RADIL: variants seen among roughly 807,000 people sequenced by gnomAD.
RADIL encodes ras-associating and dilute domain-containing protein.
In RADIL, 99 loss-of-function variants were observed where a neutral mutation model predicts 97.6. The ratio of observed to expected loss-of-function variants is 1.01; its 90% CI spans 0.86 to 1.20. The LOEUF (loss-of-function observed/expected upper bound fraction) is 1.20, where lower values mean the gene tolerates loss of function less well. RADIL is among the 50% of genes most tolerant of loss of function. RADIL has a pLI of 0.00. For missense variants in RADIL, 1,765 were observed against 1,498.9 expected (o/e 1.18, Z -2.93); for synonymous variants, 803 against 691.8 (o/e 1.16, Z -2.52).
At chr7:4,825,449 G>A (rs1044031888) in intron 5 of RADIL, among the ~76,000 whole-genome samples, 2 of 152,144 alleles carry the variant, frequency 1.3e-5, no homozygotes, top group South Asian at 2.1e-4. Context: ...AGGGAATGGC[G>A]TGCCCCAAAA....
At chr7:4,827,422 G>T (rs1048071443) in intron 5 of RADIL, among the ~76,000 whole-genome samples, 23 of 151,694 alleles carry the variant, frequency 1.5e-4, no homozygotes, top group African/African-American at 5.6e-4. Context: ...CACTTTGGGA[G>T]GCCGAGGTGG....
chr7:4,865,885 A>G lies in RADIL; in HGVS notation c.535+11720T>C, dbSNP rs1392775797. On this transcript the variant is annotated intron_variant, in intron 2 of 14. Coordinates refer to ENST00000399583, the MANE Select transcript of RADIL (RefSeq NM_018059.5). ...TTTAGACACACAAATATTTACCGTT[A>G]TGTTCTAATTACCTTTAGCATTCAG... The G allele has an allele frequency of 4.6e-6, 3 of 647,242 alleles. No individual in the cohort carries two copies. The East Asian group carries it at 8.2e-5, about 18-fold the overall frequency. The allele number at this position is 647,242 out of a possible 1,614,324, so 40.1% of individuals were successfully genotyped here.
At chr7:4,811,547 G>T (rs924593570) in intron 9 of RADIL, among the ~76,000 whole-genome samples, 2 of 140,978 alleles carry the variant, frequency 1.4e-5, no homozygotes, top group Non-Finnish European at 3.0e-5. Context: ...GAGTGCAGTG[G>T]CGCAATCTCG....
rs896091862 is a variant in RADIL at position 4,873,863 on chromosome 7, C to A, written c.535+3742G>T. On this transcript the variant is annotated intron_variant, in intron 2 of 14. Transcript: ENST00000399583. The surrounding 1 kb of genome is among the most constrained non-coding windows in gnomAD (Gnocchi z 4.3). Reference sequence around the variant, plus strand: ...AAGCCTCCCCACCACGATTCTTCCACGTCACTCCAACCTGAGGCAGGCTGG... The same window carrying A: ...AAGCCTCCCCACCACGATTCTTCCAAGTCACTCCAACCTGAGGCAGGCTGG... Among the ~76,000 whole-genome samples, 1 of 152,348 alleles carries A rather than the reference C, an allele frequency of 6.6e-6. No homozygotes were observed. The highest frequency in any genetic ancestry group is 3.4e-3 in the Middle Eastern group (1 of 294).
chr7:4,800,434 G>A, intron 12 of RADIL, 124 bp from the exon 13 acceptor site: 1 of 1,079,748 alleles, frequency 9.3e-7, no homozygotes. Flanking sequence ...GTGGCTCCCA[G>A]GAGACGCTGT....
chr7:4,805,531 TC>T, intron 10 of RADIL, 34 bp downstream of exon 10: 1 of 1,533,486 alleles, frequency 6.5e-7, no homozygotes, highest in Non-Finnish European at 8.8e-7. Flanking sequence ...TCCCACTGAG[TC>T]CCCAGCCCTC....
At chr7:4,874,733 G>C (rs561373703) in intron 2 of RADIL, among the ~76,000 whole-genome samples, 1 of 152,298 alleles carries the variant, frequency 6.6e-6, no homozygotes, top group South Asian at 2.1e-4. Flanking sequence ...CGCTCGCCCT[G>C]AATAATTTAA....
At chr7:4,882,184 C>T (rs933095940) in intron 1 of RADIL, 7 of 152,264 alleles carry the variant, frequency 4.6e-5, no homozygotes, top group Admixed American at 2.0e-4. Flanking sequence ...AGAGGGTGCC[C>T]ACTTGTTCAC....
chr7:4,839,964 G>A (rs1357406774), intron 2 of RADIL, among the ~76,000 whole-genome samples: 3 of 152,160 alleles, frequency 2.0e-5, no homozygotes, highest in Non-Finnish European at 4.4e-5. Context: ...GGACAGGCTG[G>A]TCTCGAACTC....
intron 2 of RADIL, among the ~76,000 whole-genome samples, chr7:4,865,207 A>G (rs1784104066): frequency 1.3e-5 from 2 of 152,216 alleles, no homozygotes; most frequent in Non-Finnish European, 2.9e-5. Flanking sequence ...CTCACCCCCC[A>G]TTCCAAATGA....
At position 4,806,483 on chromosome 7, in the gene RADIL, G is replaced by A. The variant is rs561359412; in HGVS notation, c.2140-767C>T. On this transcript the variant is annotated intron_variant, in intron 9 of 14. Coordinates refer to ENST00000399583, the MANE Select transcript of RADIL (RefSeq NM_018059.5). ...ATTGCAGGTATGAGCCACTGGCTCC[G>A]GCCCAGGAAAACGTTTTAGGCAAGA... Among the ~76,000 whole-genome samples, 41 of 152,282 alleles carry A rather than the reference G, an allele frequency of 2.7e-4. No homozygotes were observed. The East Asian group carries it at 6.6e-3, about 24-fold the overall frequency.
chr7:4,875,385 T>C (rs1583329056), intron 2 of RADIL, among the ~76,000 whole-genome samples: 2 of 148,256 alleles, frequency 1.3e-5, no homozygotes. Context: ...AGAGAGAGAC[T>C]CCATCTCAAA....
At position 4,805,583 on chromosome 7, in the gene RADIL, G is replaced by A; in HGVS notation, c.2273C>T (p.Pro758Leu). 1 of 1,608,972 alleles carries A rather than the reference G, an allele frequency of 6.2e-7. No homozygotes were observed. Among genetic ancestry groups the A allele is most frequent in the South Asian group, 1.1e-5 (1 of 90,852 alleles). ...GGGCTTACCTGACCTGAAGGCCTCG[G>A]GGCTGTCCTGGGCCCCTGGCTCCCA... ...STWEPGAQDSPEAFRSEDVLE... is the reference protein window; with the variant it reads ...STWEPGAQDSLEAFRSEDVLE... Residue 758 changes from proline to leucine, a missense_variant, in exon 10 of 15, where the codon CCC becomes CTC. Transcript: ENST00000399583.
intron 2 of RADIL, chr7:4,865,291 A>C: frequency 2.3e-6 from 1 of 439,644 alleles, no homozygotes; most frequent in Non-Finnish European, 4.2e-6. Context: ...CATTTTGGAC[A>C]ACAGACCATA....
At chr7:4,845,174 C>A (rs1001125301) in intron 2 of RADIL, among the ~76,000 whole-genome samples, 1 of 151,968 alleles carries the variant, frequency 6.6e-6, no homozygotes, top group South Asian at 2.1e-4. Context: ...AATCCCAGCA[C>A]TTTGGGAGGC....
At chr7:4,827,370 A>G (rs566699952) in intron 5 of RADIL, among the ~76,000 whole-genome samples, 83 of 150,828 alleles carry the variant, frequency 5.5e-4, no homozygotes, top group Admixed American at 1.7e-3. Flanking sequence ...CTCAAAAAAA[A>G]AAAAAAGGGC....
At chr7:4,861,407 T>G in intron 2 of RADIL, 1 of 1,614,194 alleles carries the variant, frequency 6.2e-7, no homozygotes, top group Non-Finnish European at 8.5e-7. Flanking sequence ...CAGTTTAGCA[T>G]AGAATGAGGT....
rs1173235534 is a variant in RADIL, at chr7:4,817,036, T to C, written c.1728+203A>G. 6.6e-6 allele frequency among the ~76,000 whole-genome samples: 1 copy of C among 152,152 alleles called. No homozygotes were observed. The highest frequency in any genetic ancestry group is 1.5e-5 in the Non-Finnish European group (1 of 68,018). On this transcript the variant is annotated intron_variant, in intron 7 of 14. Transcript: ENST00000399583. The surrounding 1 kb of genome is among the most constrained non-coding windows in gnomAD (Gnocchi z 8.3). ...AGCTGGGATGGTTCTAGGGCTTCTG[T>C]GCGACCTGAGGAGGAGCGGGTGTGG...
At chr7:4,858,236 GTAAT>G (rs1474257891) in intron 2 of RADIL, 1 of 152,196 alleles carries the variant, frequency 6.6e-6, no homozygotes, top group Non-Finnish European at 1.5e-5. Context: ...AAGAGTTTAA[GTAAT>G]TGCAGTTTAA....
Sources: allele counts gnomAD v4.1 joint callset (sites outside exome capture counted in the v4.1 genomes callset), GRCh38; gene constraint gnomAD v4.1.1; non-coding constraint Gnocchi (gnomAD v3.1); transcripts MANE v1.5; gene names NCBI Gene and HGNC (gene_info 2026-07-23, HGNC 2026-07-21).